Variants in GLS observed in about 807,000 individuals in gnomAD.
GLS encodes glutaminase kidney isoform, mitochondrial.
In GLS, 36 loss-of-function variants were observed where a neutral mutation model predicts 86.7. The observed-to-expected ratio is 0.42, with a 90% CI of 0.32 to 0.55. The LOEUF (loss-of-function observed/expected upper bound fraction) is 0.55, where lower values mean the gene tolerates loss of function less well. Among genes scored for constraint, GLS ranks in the 20% least tolerant of loss-of-function variants. The pLI is 0.17. For missense variants in GLS, 528 were observed against 833.4 expected (o/e 0.63, Z 4.51); for synonymous variants, 317 against 305.9 (o/e 1.04, Z -0.38).
chr2:190,959,224 A>G (rs540982667), intron 17 of GLS, among the ~76,000 whole-genome samples: 1 of 148,674 alleles, frequency 6.7e-6, no homozygotes, highest in East Asian at 2.0e-4. Context: ...TTTATCAGAG[A>G]CTAGCATTGC....
At position 190,951,953 on chromosome 2, in the gene GLS, C is replaced by A. The variant is rs1304027822; in HGVS notation, c.1651-1612C>A. Among the ~76,000 whole-genome samples the A allele has an allele frequency of 6.6e-6, 1 of 152,120 alleles. No homozygotes were observed. Among genetic ancestry groups the A allele is most frequent in the East Asian group, 1.9e-4 (1 of 5,196 alleles). On this transcript the variant is annotated intron_variant, in intron 14 of 17. Transcript: ENST00000320717. This position sits in a 1 kb window ranked among gnomAD's most constrained non-coding sequence, Gnocchi z 4.2. ...AGCATGTTGGCTCATGCCTGTAATCCCAACAGTTTGGGAGGCCAAGGCAGA... is the reference window on the plus strand; with the variant it reads ...AGCATGTTGGCTCATGCCTGTAATCACAACAGTTTGGGAGGCCAAGGCAGA...
intron 14 of GLS, among the ~76,000 whole-genome samples, chr2:190,942,260 T>G (rs1690459675): frequency 6.6e-6 from 1 of 151,716 alleles, no homozygotes; most frequent in South Asian, 2.1e-4. Context: ...TTTGTATTTT[T>G]TAGTAGAGAC....
chr2:190,954,678 C>A lies in GLS; in HGVS notation c.1789+18C>A, dbSNP rs573090506. ...TGCAGAGGGTAATACAGGAACTACT[C>A]CTATCTATTTTCTTTCCAGATTTAA... On this transcript the variant is annotated intron_variant, in intron 16 of 17. Transcript: ENST00000320717. This position sits in a 1 kb window ranked among gnomAD's most constrained non-coding sequence, Gnocchi z 4.0. 45 of 1,606,460 alleles carry A rather than the reference C, an allele frequency of 2.8e-5. 1 individual carries two copies. The highest frequency in any genetic ancestry group is 3.3e-4 in the Middle Eastern group (2 of 6,054).
intron 1 of GLS, among the ~76,000 whole-genome samples, chr2:190,883,516 A>G (rs553158037): frequency 1.2e-4 from 19 of 152,224 alleles, no homozygotes; most frequent in Non-Finnish European, 1.2e-4. Flanking sequence ...CATTTTGTAA[A>G]AGGCTTAGAA....
intron 4 of GLS, 150 bp from the exon 5 acceptor site, chr2:190,901,797 G>A: frequency 1.7e-6 from 1 of 586,478 alleles, no homozygotes; most frequent in Non-Finnish European, 3.1e-6. Flanking sequence ...CATGAGCATT[G>A]TTACAGAAGA....
intron 12 of GLS, chr2:190,927,735 G>A (rs1007046824): frequency 7.0e-6 from 2 of 283,974 alleles, no homozygotes; most frequent in Non-Finnish European, 6.6e-6. Flanking sequence ...TACAAGGTTA[G>A]TACAGTCTTT....
Position 190,930,693 on chromosome 2 carries a change from A to G in GLS, c.1557+125A>G. The G allele has an allele frequency of 1.3e-6, 1 of 790,484 alleles. No homozygotes were observed. The highest frequency in any genetic ancestry group is 2.0e-6 in the Non-Finnish European group (1 of 511,636). The allele number at this position is 790,484 out of a possible 1,614,324, so 49.0% of individuals were successfully genotyped here. A position where few individuals can be genotyped will look rare whatever the true frequency, so the allele number is the denominator to read the frequency against. On this transcript the variant is annotated intron_variant, in intron 13 of 17. Coordinates refer to ENST00000320717, the MANE Select transcript of GLS (RefSeq NM_014905.5). This position sits in a 1 kb window ranked among gnomAD's most constrained non-coding sequence, Gnocchi z 5.0. Reference sequence around the variant, plus strand: ...CTCCGCCTATAGTGTGCCAGTTACTAGGGAGCCGTGGAAATACTCCCAGAG... The same window carrying G: ...CTCCGCCTATAGTGTGCCAGTTACTGGGGAGCCGTGGAAATACTCCCAGAG...
intron 5 of GLS, 34 bp downstream of exon 5, chr2:190,902,060 T>C: frequency 7.9e-7 from 1 of 1,260,392 alleles, no homozygotes; most frequent in Non-Finnish European, 1.2e-6. Context: ...AAACCAACTC[T>C]AAGCCTTAAC....
chr2:190,880,866 C>T lies in GLS; in HGVS notation c.-219C>T, dbSNP rs556311383. The T allele has an allele frequency of 3.8e-6, 3 of 791,294 alleles. No homozygotes were observed. The highest frequency in any genetic ancestry group is 3.0e-5 in the East Asian group (1 of 33,586). The allele number at this position is 791,294 out of a possible 1,614,324, so 49.0% of individuals were successfully genotyped here. ...GCGAAGAGAACCGGTCGCGGCAATC[C>T]TAGCGCGCAGCAGCAGCAGCAGCAG... On this transcript the variant is annotated 5_prime_UTR_variant, in exon 1 of 18. Transcript: ENST00000320717.
chr2:190,948,655 G>A (rs1328478506), intron 14 of GLS, among the ~76,000 whole-genome samples: 1 of 152,080 alleles, frequency 6.6e-6, no homozygotes, highest in Non-Finnish European at 1.5e-5. Flanking sequence ...TATATACAGG[G>A]GAATTTGGAT....
At chr2:190,887,400 A>T (rs1017007838) in intron 1 of GLS, among the ~76,000 whole-genome samples, 2 of 152,104 alleles carry the variant, frequency 1.3e-5, no homozygotes, top group East Asian at 1.9e-4. Context: ...CCTCTGCTTG[A>T]TATGTTAAAT....
At position 190,935,124 on chromosome 2, in the gene GLS, C is replaced by T; in HGVS notation, c.1650+3487C>T. On this transcript the variant is annotated intron_variant, in intron 14 of 17. Coordinates refer to ENST00000320717, the MANE Select transcript of GLS (RefSeq NM_014905.5). This position sits in a 1 kb window ranked among gnomAD's most constrained non-coding sequence, Gnocchi z 4.2. ...CATTTCATTTGAAATGCATATTGTT[C>T]TTGAAGTACTTTGTTTTTAGCATAA... The T allele has an allele frequency of 2.1e-6, 2 of 938,052 alleles. No homozygotes were observed. Among genetic ancestry groups the T allele is most frequent in the Non-Finnish European group, 2.5e-6 (2 of 787,244 alleles). The allele number at this position is 938,052 out of a possible 1,614,324, so 58.1% of individuals were successfully genotyped here. A position where few individuals can be genotyped will look rare whatever the true frequency, so the allele number is the denominator to read the frequency against.
rs578240254 is a variant in GLS, at chr2:190,950,158, C to T, written c.1651-3407C>T. On this transcript the variant is annotated intron_variant, in intron 14 of 17. Coordinates refer to ENST00000320717, the MANE Select transcript of GLS (RefSeq NM_014905.5). Reference sequence around the variant, plus strand: ...CTGGGGAAAGAGCATCTCTAGCAGCCAGTTGTAGGCCTTGAGTGCCTGAGA... The same window carrying T: ...CTGGGGAAAGAGCATCTCTAGCAGCTAGTTGTAGGCCTTGAGTGCCTGAGA... Among the ~76,000 whole-genome samples the T allele has an allele frequency of 2.0e-5, 3 of 152,032 alleles. No individual in the cohort carries two copies. In the South Asian group the frequency reaches 6.2e-4, roughly 32 times the overall value.
intron 1 of GLS, among the ~76,000 whole-genome samples, chr2:190,894,287 T>G (rs1256820171): frequency 6.6e-6 from 1 of 152,234 alleles, no homozygotes; most frequent in South Asian, 2.1e-4. Flanking sequence ...AGATTACTTA[T>G]AATACCTAAT....
chr2:190,933,783 A>C (rs1690184334), intron 14 of GLS: 1 of 687,578 alleles, frequency 1.5e-6, no homozygotes, highest in Non-Finnish European at 1.8e-6. Context: ...TATAAATGCT[A>C]ATATTTCTTT....
At position 190,924,060 on chromosome 2, in the gene GLS, A is replaced by G. The variant is rs1689826109; in HGVS notation, c.1197+77A>G. On this transcript the variant is annotated intron_variant, in intron 10 of 17. Transcript: ENST00000320717. The surrounding 1 kb of genome is among the most constrained non-coding windows in gnomAD (Gnocchi z 5.2). ...CATGAAGATGTATGCTAAGAATTCA[A>G]CAATAGCCTTTAAGCAACTACCTAT... 3.7e-6 allele frequency: 3 copies of G among 801,246 alleles called. No homozygotes were observed. The highest frequency in any genetic ancestry group is 6.3e-6 in the Non-Finnish European group (3 of 478,422). The allele number at this position is 801,246 out of a possible 1,614,324, so 49.6% of individuals were successfully genotyped here.
intron 14 of GLS, chr2:190,934,094 T>C: frequency 1.0e-6 from 1 of 975,976 alleles, no homozygotes; most frequent in Non-Finnish European, 1.2e-6. Context: ...TTCTCTGGTT[T>C]TCCCCATAGT....
rs149333232 is a variant in GLS at position 190,964,087 on chromosome 2, A to ATT, written c.*1105_*1106dup. 1 of 151,884 alleles carries ATT rather than the reference A, an allele frequency of 6.6e-6. No individual in the cohort carries two copies. Among genetic ancestry groups the ATT allele is most frequent in the African/African-American group, 2.4e-5 (1 of 41,336 alleles). The allele number at this position is 151,884 out of a possible 1,614,324, so 9.4% of individuals were successfully genotyped here. On this transcript the variant is annotated 3_prime_UTR_variant, in exon 18 of 18. Transcript: ENST00000320717. The surrounding 1 kb of genome is among the most constrained non-coding windows in gnomAD (Gnocchi z 5.2). Reference sequence around the variant, plus strand: ...ACTGGATCATTCCAGATTTCTTGTGATTTTTCTATTGTGTAATTCTTGGTG... The same window carrying ATT: ...ACTGGATCATTCCAGATTTCTTGTGATTTTTTTCTATTGTGTAATTCTTGGTG...
In GLS at chr2:190,913,554, C is replaced by G; in HGVS notation, c.1038+3233C>G. 1.0e-6 allele frequency: 1 copy of G among 963,112 alleles called. No individual in the cohort carries two copies. Among genetic ancestry groups the G allele is most frequent in the Non-Finnish European group, 1.2e-6 (1 of 809,878 alleles). The allele number at this position is 963,112 out of a possible 1,614,324, so 59.7% of individuals were successfully genotyped here. On this transcript the variant is annotated intron_variant, in intron 7 of 17. Coordinates refer to ENST00000320717, the MANE Select transcript of GLS (RefSeq NM_014905.5). The surrounding 1 kb of genome is among the most constrained non-coding windows in gnomAD (Gnocchi z 6.1). Reference sequence around the variant, plus strand: ...TGATTGCTTGATTAAAAGGAAAGAACAAAAATAAATTTGAAAGGAACAGTT... The same window carrying G: ...TGATTGCTTGATTAAAAGGAAAGAAGAAAAATAAATTTGAAAGGAACAGTT...
Sources: gnomAD v4.1 joint callset for allele counts (sites outside exome capture counted in the v4.1 genomes callset) on GRCh38, gnomAD v4.1.1 for gene constraint, Gnocchi (gnomAD v3.1) non-coding constraint, MANE v1.5 for transcripts, NCBI Gene and HGNC (gene_info 2026-07-23, HGNC 2026-07-21) for gene names.